The following DEK variants were observed in gnomAD, a reference collection of about 807,000 sequenced individuals.
DEK encodes the protein protein DEK.
DEK carries 28 observed loss-of-function variants against 46.8 expected under a neutral mutation model. The observed-to-expected ratio is 0.60, with a 90% CI of 0.44 to 0.82. The LOEUF (loss-of-function observed/expected upper bound fraction) is 0.82, where lower values mean the gene tolerates loss of function less well. Ranked by LOEUF, DEK falls within the 40% of genes least tolerant of loss-of-function variation. The pLI, the probability that DEK is intolerant of heterozygous loss-of-function variation, is 0.00. For synonymous variants in DEK, 160 were observed against 144.5 expected (o/e 1.11, Z -0.77); for missense variants, 416 against 430.6 (o/e 0.97, Z 0.30).
chr6:18,248,805 T>G (rs766298623), intron 7 of DEK, among the ~76,000 whole-genome samples: 3 of 152,152 alleles, frequency 2.0e-5, no homozygotes, highest in Non-Finnish European at 4.4e-5. Flanking sequence ...CATTTTTGGT[T>G]GTCACAAGGG....
chr6:18,228,379 T>C (rs1463219798), intron 9 of DEK, among the ~76,000 whole-genome samples: 3 of 151,918 alleles, frequency 2.0e-5, no homozygotes, highest in Admixed American at 6.6e-5. Context: ...ATTACTCTAA[T>C]TGTTTGCCCC....
At chr6:18,262,476 G>A (rs1451727716) in intron 2 of DEK, among the ~76,000 whole-genome samples, 3 of 152,060 alleles carry the variant, frequency 2.0e-5, no homozygotes, top group African/African-American at 7.2e-5. Flanking sequence ...ACTATTAGGG[G>A]ATAAAATTTC....
chr6:18,246,800 G>A (rs1426779198), intron 7 of DEK, among the ~76,000 whole-genome samples: 1 of 152,078 alleles, frequency 6.6e-6, no homozygotes, highest in Non-Finnish European at 1.5e-5. Flanking sequence ...TTTTACAGAG[G>A]AAACTGAACA....
intron 7 of DEK, among the ~76,000 whole-genome samples, chr6:18,245,383 AG>A (rs1791067587): frequency 2.0e-5 from 3 of 152,220 alleles, no homozygotes; most frequent in Non-Finnish European, 4.4e-5. Context: ...TTGTCATGAA[AG>A]AAAAATAAAC....
intron 7 of DEK, among the ~76,000 whole-genome samples, chr6:18,241,000 C>G (rs1313067790): frequency 6.6e-6 from 1 of 152,146 alleles, no homozygotes; most frequent in East Asian, 1.9e-4. Flanking sequence ...CTTTAGCAAC[C>G]AGCTGTAAAT....
chr6:18,231,458 T>C (rs1237371613), intron 9 of DEK, among the ~76,000 whole-genome samples: 1 of 152,072 alleles, frequency 6.6e-6, no homozygotes, highest in South Asian at 2.1e-4. Context: ...ATCAATAAAA[T>C]TGATAGACCG....
rs1790050681 is a variant in DEK, at chr6:18,225,092, AAAG to A, written c.*624_*626del. 4.7e-6 allele frequency: 1 copy of A among 213,762 alleles called. No homozygotes were observed. Among genetic ancestry groups the A allele is most frequent in the African/African-American group, 2.3e-5 (1 of 44,206 alleles). 13.2% of individuals were successfully genotyped at this position (213,762 alleles called of 1,614,324 possible). A position where few individuals can be genotyped will look rare whatever the true frequency, so the allele number is the denominator to read the frequency against. ...GTGAGTTTAAAAAGTGATCTGCACA[AAAG>A]AAATAAAAAAACTTTATATACAACC... On this transcript the variant is annotated 3_prime_UTR_variant, in exon 11 of 11. Transcript: ENST00000652689.
At chr6:18,228,600 G>A (rs1790243995) in intron 9 of DEK, among the ~76,000 whole-genome samples, 1 of 152,182 alleles carries the variant, frequency 6.6e-6, no homozygotes, top group Admixed American at 6.5e-5. Context: ...GAAGCGCAAG[G>A]GGTCAGGGAA....
At chr6:18,230,030 T>C (rs1299403339) in intron 9 of DEK, among the ~76,000 whole-genome samples, 1 of 152,232 alleles carries the variant, frequency 6.6e-6, no homozygotes, top group Non-Finnish European at 1.5e-5. Context: ...AGCGGATCTC[T>C]AGGCAGAAAC....
At chr6:18,232,070 C>G (rs1263638395) in intron 9 of DEK, among the ~76,000 whole-genome samples, 1 of 152,162 alleles carries the variant, frequency 6.6e-6, no homozygotes, top group East Asian at 1.9e-4. Flanking sequence ...ACACGCAAAT[C>G]AACAAACGTA....
Position 18,263,891 on chromosome 6 carries a change from C to G in DEK, c.97G>C (p.Glu33Gln). Residue 33 changes from glutamate (E) to glutamine (Q), a missense_variant, in exon 2 of 11, where the codon GAG (glutamate) becomes CAG (glutamine). Glu to Gln is a conservative substitution (Grantham distance 29). Transcript: ENST00000652689. ...TCGTCGTCCTCGTCCTCTTCCTCCT[C>G]GCTCTCCTCTCTGGGACCGGGCATT... ...PEMPGPREES[E>Q]EEEDEDDEEE... The G allele has an allele frequency of 6.2e-7, 1 of 1,613,084 alleles. No individual in the cohort carries two copies. Among genetic ancestry groups the G allele is most frequent in the Non-Finnish European group, 8.5e-7 (1 of 1,179,524 alleles).
chr6:18,260,547 G>C (rs2151095662), intron 2 of DEK, among the ~76,000 whole-genome samples: 1 of 152,240 alleles, frequency 6.6e-6, no homozygotes, highest in Non-Finnish European at 1.5e-5. Context: ...AAACCTAAGA[G>C]TCATCTTTTA....
At chr6:18,228,891 G>A (rs1266564116) in intron 9 of DEK, among the ~76,000 whole-genome samples, 3 of 152,196 alleles carry the variant, frequency 2.0e-5, no homozygotes, top group African/African-American at 7.2e-5. Context: ...GAACTGGGTG[G>A]AGCCCACCAC....
chr6:18,225,507 T>C lies in DEK; in HGVS notation c.*212A>G. ...TAAAAGCAAGGAACAATTAATGCCATGCAAGATTTTAAACTAAAAATGGCA... is the reference window on the plus strand; with the variant it reads ...TAAAAGCAAGGAACAATTAATGCCACGCAAGATTTTAAACTAAAAATGGCA... On this transcript the variant is annotated 3_prime_UTR_variant, in exon 11 of 11. Coordinates refer to ENST00000652689, the MANE Select transcript of DEK (RefSeq NM_003472.4). The C allele has an allele frequency of 2.1e-6, 1 of 485,398 alleles. No homozygotes were observed. Among genetic ancestry groups the C allele is most frequent in the Non-Finnish European group, 3.6e-6 (1 of 274,886 alleles). The allele number at this position is 485,398 out of a possible 1,614,324, so 30.1% of individuals were successfully genotyped here. A position where few individuals can be genotyped will look rare whatever the true frequency, so the allele number is the denominator to read the frequency against.
intron 9 of DEK, among the ~76,000 whole-genome samples, chr6:18,227,193 G>C (rs1276850932): frequency 6.6e-6 from 1 of 152,110 alleles, no homozygotes; most frequent in East Asian, 1.9e-4. Flanking sequence ...AGTATAAGAG[G>C]AAGGAACGCC....
chr6:18,229,920 T>C (rs950629038), intron 9 of DEK, among the ~76,000 whole-genome samples: 1 of 151,972 alleles, frequency 6.6e-6, no homozygotes, highest in African/African-American at 2.4e-5. Flanking sequence ...CCAAGATACA[T>C]AATTGCCAGA....
chr6:18,239,083 C>A (rs906866329), intron 7 of DEK, among the ~76,000 whole-genome samples: 5 of 152,146 alleles, frequency 3.3e-5, no homozygotes, highest in Non-Finnish European at 7.3e-5. Flanking sequence ...CGCCACCACA[C>A]CCGGCTACTT....
At chr6:18,263,386 G>A (rs998947907) in intron 2 of DEK, among the ~76,000 whole-genome samples, 2 of 152,160 alleles carry the variant, frequency 1.3e-5, no homozygotes, top group South Asian at 4.1e-4. Context: ...ATACTTCCGG[G>A]TCTAGCCTTA....
At chr6:18,241,247 C>T (rs549782659) in intron 7 of DEK, among the ~76,000 whole-genome samples, 1 of 152,092 alleles carries the variant, frequency 6.6e-6, no homozygotes, top group Non-Finnish European at 1.5e-5. Context: ...ACACAATGGA[C>T]AATTTTTGTC....
Sources: allele counts gnomAD v4.1 joint callset (sites outside exome capture counted in the v4.1 genomes callset), GRCh38; gene constraint gnomAD v4.1.1; transcripts MANE v1.5; gene names NCBI Gene and HGNC (gene_info 2026-07-23, HGNC 2026-07-21).